Variants in FBXL17 observed in about 807,000 individuals in gnomAD.
FBXL17 encodes F-box/LRR-repeat protein 17.
A neutral mutation model predicts 66.2 loss-of-function variants in FBXL17; 22 were observed. The observed-to-expected ratio is 0.33, with a 90% CI of 0.24 to 0.47. The LOEUF (loss-of-function observed/expected upper bound fraction) is 0.47, where lower values mean the gene tolerates loss of function less well. Ranked by LOEUF, FBXL17 falls within the 20% of genes least tolerant of loss-of-function variation. FBXL17 has a pLI of 1.00. For missense variants in FBXL17, 878 were observed against 948.2 expected, an observed-to-expected ratio of 0.93 and a Z score of 0.97; for synonymous variants, 474 against 400.5, an observed-to-expected ratio of 1.18 and a Z score of -2.19.
chr5:108,254,166 T>C lies in FBXL17; in HGVS notation c.1507-29938A>G, dbSNP rs773100213. Among the ~76,000 whole-genome samples, 73 of 152,328 alleles carry C rather than the reference T, an allele frequency of 4.8e-4. 1 individual carries two copies. Among genetic ancestry groups the C allele is most frequent in the Admixed American group, 4.6e-4 (7 of 15,294 alleles). On this transcript the variant is annotated intron_variant, in intron 4 of 8. Coordinates refer to ENST00000542267, the MANE Select transcript of FBXL17 (RefSeq NM_001163315.3). Reference sequence around the variant, plus strand: ...AATTTAAAGAATTTTCAAGTTGCATTATATACTAAAGAAACTTACTGGTAA... The same window carrying C: ...AATTTAAAGAATTTTCAAGTTGCATCATATACTAAAGAAACTTACTGGTAA...
chr5:108,299,564 C>A, intron 4 of FBXL17: 1 of 968,834 alleles, frequency 1.0e-6, no homozygotes, highest in Non-Finnish European at 1.2e-6. Context: ...ATATATTTTT[C>A]CAGAAAAGCT....
At chr5:107,900,305 A>C (rs1365157904) in intron 7 of FBXL17, among the ~76,000 whole-genome samples, 1 of 152,162 alleles carries the variant, frequency 6.6e-6, no homozygotes, top group Non-Finnish European at 1.5e-5. Flanking sequence ...CCCACAATAT[A>C]TGTAATAGTG....
chr5:107,983,353 A>G (rs1434737449), intron 7 of FBXL17, among the ~76,000 whole-genome samples: 1 of 151,496 alleles, frequency 6.6e-6, no homozygotes, highest in African/African-American at 2.4e-5. Flanking sequence ...CACTATGCCC[A>G]GCTAATTTTT....
At chr5:108,083,250 C>CACACAGAGAG (rs369652150) in intron 6 of FBXL17, among the ~76,000 whole-genome samples, 1 of 145,582 alleles carries the variant, frequency 6.9e-6, no homozygotes, top group African/African-American at 2.6e-5. Context: ...CACACACACA[C>CACACAGAGAG]AGAGAGAGAG....
At chr5:107,952,872 C>G (rs1751540856) in intron 7 of FBXL17, among the ~76,000 whole-genome samples, 1 of 152,100 alleles carries the variant, frequency 6.6e-6, no homozygotes. Context: ...TATAAATATT[C>G]AATCCAAATA....
At chr5:108,160,559 A>G (rs1561440292) in intron 6 of FBXL17, among the ~76,000 whole-genome samples, 1 of 152,198 alleles carries the variant, frequency 6.6e-6, no homozygotes, top group Non-Finnish European at 1.5e-5. Flanking sequence ...ATAGTTTTTC[A>G]TAAATTATGT....
At chr5:108,022,747 A>G (rs1319665170) in intron 6 of FBXL17, among the ~76,000 whole-genome samples, 3 of 152,128 alleles carry the variant, frequency 2.0e-5, no homozygotes, top group Non-Finnish European at 1.5e-5. Context: ...ATGAACATTA[A>G]AGACATACAG....
At chr5:108,126,552 G>C (rs1404787872) in intron 6 of FBXL17, among the ~76,000 whole-genome samples, 1 of 150,004 alleles carries the variant, frequency 6.7e-6, no homozygotes, top group Non-Finnish European at 1.5e-5. Context: ...ATCAGGCATA[G>C]GTTATTTTAT....
rs1752489251 is a variant in FBXL17 at position 107,974,039 on chromosome 5, G to T, written c.1822+46886C>A. On this transcript the variant is annotated intron_variant, in intron 7 of 8. Transcript: ENST00000542267. ...GAAAAAAATTATACCATTTTGGGTA[G>T]ATTTGCTATTTGCAAGGCAGAAAGT... 3.3e-5 allele frequency among the ~76,000 whole-genome samples: 5 copies of T among 152,112 alleles called. No homozygotes were observed. In the South Asian group the frequency reaches 1.0e-3, roughly 32 times the overall value.
intron 5 of FBXL17, among the ~76,000 whole-genome samples, chr5:108,218,624 A>G (rs752372135): frequency 6.6e-6 from 1 of 152,108 alleles, no homozygotes. Flanking sequence ...AGCCATTCTA[A>G]CAAGTGTAAG....
In FBXL17 at chr5:108,381,231, T is replaced by G; in HGVS notation, c.461A>C (p.Gln154Pro). 6.9e-7 allele frequency: 1 copy of G among 1,446,088 alleles called. No homozygotes were observed. Among genetic ancestry groups the G allele is most frequent in the Non-Finnish European group, 9.1e-7 (1 of 1,101,734 alleles). The allele number at this position is 1,446,088 out of a possible 1,614,324, so 89.6% of individuals were successfully genotyped here. A position where few individuals can be genotyped will look rare whatever the true frequency, so the allele number is the denominator to read the frequency against. ...LGLAAAAAWE[Q>P]QGRSLFLASL... ...GGCCAGGAAGAGACTTCGGCCCTGC[T>G]GCTCCCAGGCGGCGGCCGCAGCCAG... The change falls in exon 1 of 9, where the codon CAG (glutamine) becomes CCG (proline). Residue 154 changes from glutamine to proline, a missense_variant. Physicochemically the swap from Gln to Pro is moderately conservative, Grantham distance 76. Transcript: ENST00000542267.
intron 4 of FBXL17, chr5:108,299,933 G>T: frequency 1.9e-6 from 1 of 517,306 alleles, no homozygotes; most frequent in Non-Finnish European, 2.5e-6. Flanking sequence ...TCCAAATCTA[G>T]ATCCTACATT....
At chr5:108,279,977 T>A (rs1256047539) in intron 4 of FBXL17, among the ~76,000 whole-genome samples, 1 of 151,916 alleles carries the variant, frequency 6.6e-6, no homozygotes, top group Non-Finnish European at 1.5e-5. Context: ...TTTGGGACAA[T>A]GTGAAGCAAC....
chr5:108,060,485 G>C (rs1383789702), intron 6 of FBXL17, among the ~76,000 whole-genome samples: 1 of 152,148 alleles, frequency 6.6e-6, no homozygotes, highest in Non-Finnish European at 1.5e-5. Flanking sequence ...CAGGCAAAAA[G>C]TGTCACATGC....
At chr5:108,071,150 T>G (rs781626703) in intron 6 of FBXL17, among the ~76,000 whole-genome samples, 9 of 152,234 alleles carry the variant, frequency 5.9e-5, no homozygotes, top group Admixed American at 1.3e-4. Flanking sequence ...CAGGTTGCAT[T>G]GCAGCGATGA....
At chr5:108,124,067 C>T (rs559299748) in intron 6 of FBXL17, among the ~76,000 whole-genome samples, 113 of 152,174 alleles carry the variant, frequency 7.4e-4, no homozygotes, top group African/African-American at 2.5e-3. Flanking sequence ...CATTAGTAAA[C>T]TGTCTTAACA....
chr5:107,992,125 G>T (rs1207054272), intron 7 of FBXL17, among the ~76,000 whole-genome samples: 1 of 150,404 alleles, frequency 6.6e-6, no homozygotes, highest in East Asian at 2.0e-4. Flanking sequence ...TGTGTAAAAT[G>T]ACTTCTAAAT....
At position 108,253,675 on chromosome 5, in the gene FBXL17, C is replaced by T. The variant is rs764103996; in HGVS notation, c.1507-29447G>A. Among the ~76,000 whole-genome samples the T allele has an allele frequency of 7.9e-5, 12 of 152,034 alleles. No homozygotes were observed. The South Asian group carries it at 8.3e-4, about 11-fold the overall frequency. ...CTAACAATAATTTAAGAAGTAAGTA[C>T]GCAAATATAGCAAATAATTAAAAAT... is the stretch of plus-strand genomic sequence containing the variant. On this transcript the variant is annotated intron_variant, in intron 4 of 8. Coordinates refer to ENST00000542267, the MANE Select transcript of FBXL17 (RefSeq NM_001163315.3).
chr5:108,381,584 C>G lies in FBXL17; in HGVS notation c.108G>C (p.Arg36=). Residue 36 remains arginine (R), a synonymous_variant, in exon 1 of 9, where the codon CGG becomes CGC. Transcript: ENST00000542267. ...RRRPLLRLPR[R]TPAKVPPQPA... ...GCTGAGGGGGCACCTTGGCTGGGGT[C>G]CGGCGGGGCAGCCTGAGGAGAGGGC... The G allele has an allele frequency of 6.9e-7, 1 of 1,454,484 alleles. No individual in the cohort carries two copies. 90.1% of individuals were successfully genotyped at this position (1,454,484 alleles called of 1,614,324 possible). A position where few individuals can be genotyped will look rare whatever the true frequency, so the allele number is the denominator to read the frequency against.
Sources: allele counts gnomAD v4.1 joint callset (sites outside exome capture counted in the v4.1 genomes callset), GRCh38; gene constraint gnomAD v4.1.1; transcripts MANE v1.5; gene names NCBI Gene and HGNC (gene_info 2026-07-23, HGNC 2026-07-21).